ACOT12: variants seen among roughly 807,000 people sequenced by gnomAD.
ACOT12 encodes the protein acyl-CoA thioesterase 12.
Under a neutral mutation model 67.7 loss-of-function variants are expected in ACOT12, and 51 were observed. The observed-to-expected ratio is 0.75, with a 90% CI of 0.60 to 0.95. The LOEUF (loss-of-function observed/expected upper bound fraction) is 0.95, where lower values mean the gene tolerates loss of function less well. ACOT12 is among the 40% of genes least tolerant of loss of function. ACOT12 has a pLI of 0.00. For synonymous variants in ACOT12, 251 were observed against 244.6 expected (o/e 1.03, Z -0.24); for missense variants, 734 against 708.1 (o/e 1.04, Z -0.41).
intron 1 of ACOT12, among the ~76,000 whole-genome samples, chr5:81,386,835 A>G (rs549596332): frequency 1.3e-5 from 2 of 152,206 alleles, no homozygotes; most frequent in African/African-American, 2.4e-5. Context: ...ATTCCTGTCT[A>G]GGATCTAATT....
intron 1 of ACOT12, among the ~76,000 whole-genome samples, chr5:81,393,395 A>G (rs1760914458): frequency 6.6e-6 from 1 of 152,226 alleles, no homozygotes; most frequent in Admixed American, 6.5e-5. Flanking sequence ...TAAATAGCCT[A>G]CATAAACAAA....
At chr5:81,331,402 T>C (rs986807243) in intron 13 of ACOT12, among the ~76,000 whole-genome samples, 2 of 152,132 alleles carry the variant, frequency 1.3e-5, no homozygotes, top group South Asian at 2.1e-4. Flanking sequence ...CTGACCATGG[T>C]GGCGCATGCC....
intron 1 of ACOT12, among the ~76,000 whole-genome samples, chr5:81,388,017 A>G (rs1044106953): frequency 5.3e-5 from 8 of 152,230 alleles, no homozygotes; most frequent in African/African-American, 1.9e-4. Flanking sequence ...TTAAGCATTT[A>G]TTATTGATCA....
downstream of ACOT12, among the ~76,000 whole-genome samples, chr5:81,329,028 G>A (rs1366517549): frequency 6.6e-6 from 1 of 152,108 alleles, no homozygotes; most frequent in East Asian, 1.9e-4. Flanking sequence ...ACATATTGGG[G>A]AATGCAGGAA....
the ACOT12 span, among the ~76,000 whole-genome samples, chr5:81,313,750 A>G: frequency 1.3e-5 from 2 of 152,200 alleles, no homozygotes; most frequent in African/African-American, 4.8e-5. Flanking sequence ...ACCAAATAAG[A>G]AAAGAAACAC....
downstream of ACOT12, among the ~76,000 whole-genome samples, chr5:81,328,623 A>C (rs1417386182): frequency 6.6e-6 from 1 of 152,242 alleles, no homozygotes; most frequent in Non-Finnish European, 1.5e-5. Context: ...TCTAAAGTCC[A>C]GTAGTCCTGA....
At chr5:81,385,874 T>G (rs1389749811) in intron 1 of ACOT12, 48 bp from the exon 2 acceptor site, 1 of 1,543,488 alleles carries the variant, frequency 6.5e-7, no homozygotes, top group East Asian at 2.2e-5. Flanking sequence ...GATATGAGAA[T>G]ATTTCAGTAT....
rs530407932 is a variant in ACOT12, at chr5:81,351,591, A to G, written c.497-3661T>C. 5.9e-5 allele frequency among the ~76,000 whole-genome samples: 9 copies of G among 152,362 alleles called. No homozygotes were observed. In the Middle Eastern group the frequency reaches 0.017, roughly 288 times the overall value. On this transcript the variant is annotated intron_variant, in intron 5 of 14. Transcript: ENST00000307624. ...ACTAGACCACTATCTCTTACCATAC[A>G]CAAAAATCAAATCAAAATGGATGAA...
chr5:81,358,126 T>C (rs907801354), intron 5 of ACOT12, among the ~76,000 whole-genome samples: 3 of 152,108 alleles, frequency 2.0e-5, no homozygotes, highest in Admixed American at 1.3e-4. Context: ...ACTCAGGTAG[T>C]GTAATTTCAT....
At chr5:81,327,357 T>C (rs949902374), downstream of ACOT12, among the ~76,000 whole-genome samples, 3 of 152,162 alleles carry the variant, frequency 2.0e-5, no homozygotes, top group Admixed American at 2.0e-4. Flanking sequence ...CACTAGATTT[T>C]TTTCTAAAAC....
chr5:81,338,045 T>C (rs2153845689), intron 11 of ACOT12, among the ~76,000 whole-genome samples: 1 of 152,298 alleles, frequency 6.6e-6, no homozygotes, highest in East Asian at 1.9e-4. Flanking sequence ...AAAGTCCCCG[T>C]TGCCCTGCTG....
At chr5:81,338,802 T>C (rs1453523932) in intron 11 of ACOT12, among the ~76,000 whole-genome samples, 6 of 152,196 alleles carry the variant, frequency 3.9e-5, no homozygotes, top group Non-Finnish European at 1.5e-5. Context: ...TAATGTCTTA[T>C]ACAAATAGTA....
At chr5:81,370,922 C>T (rs1319346292) in intron 3 of ACOT12, among the ~76,000 whole-genome samples, 1 of 152,146 alleles carries the variant, frequency 6.6e-6, no homozygotes, top group Non-Finnish European at 1.5e-5. Context: ...ATGGAGATCT[C>T]AAGAGCCCCT....
chr5:81,385,692 C>T (rs999661417), intron 2 of ACOT12, 65 bp downstream of exon 2: 2 of 1,479,936 alleles, frequency 1.4e-6, no homozygotes, highest in Non-Finnish European at 1.9e-6. Flanking sequence ...TCAGGTGCCA[C>T]CAATACATGT....
chr5:81,386,063 T>A (rs1760718344), intron 1 of ACOT12, among the ~76,000 whole-genome samples: 1 of 152,238 alleles, frequency 6.6e-6, no homozygotes, highest in African/African-American at 2.4e-5. Context: ...TTAACTTACA[T>A]GGTCTTGTAT....
At chr5:81,356,700 A>C (rs1759726753) in intron 5 of ACOT12, among the ~76,000 whole-genome samples, 1 of 151,924 alleles carries the variant, frequency 6.6e-6, no homozygotes. Context: ...GCAGACACCC[A>C]GGAGTCAGCC....
At chr5:81,369,559 A>G (rs916228494) in intron 3 of ACOT12, among the ~76,000 whole-genome samples, 1 of 152,364 alleles carries the variant, frequency 6.6e-6, no homozygotes, top group East Asian at 1.9e-4. Flanking sequence ...CTGCCTGGTC[A>G]TGATTTGCAG....
intron 11 of ACOT12, 122 bp downstream of exon 11, chr5:81,342,548 AAC>A: frequency 1.0e-6 from 1 of 971,268 alleles, no homozygotes. Flanking sequence ...GCGTCTTAGA[AAC>A]AGTTTCCTCA....
chr5:81,343,335 A>G (rs1414802853), intron 10 of ACOT12, among the ~76,000 whole-genome samples: 1 of 152,246 alleles, frequency 6.6e-6, no homozygotes, highest in African/African-American at 2.4e-5. Flanking sequence ...GTAACTGTAT[A>G]CTTAACAACT....
Sources: gnomAD v4.1 joint callset for allele counts (sites outside exome capture counted in the v4.1 genomes callset) on GRCh38, gnomAD v4.1.1 for gene constraint, MANE v1.5 for transcripts, NCBI Gene and HGNC (gene_info 2026-07-23, HGNC 2026-07-21) for gene names.